SRFBP1: variants seen among roughly 807,000 people sequenced by gnomAD.
The protein encoded by SRFBP1 is serum response factor binding protein 1, also known as serum response factor-binding protein 1.
In SRFBP1, 47 loss-of-function variants were observed where a neutral mutation model predicts 45.5. That is an observed-to-expected ratio of 1.03 (90% CI 0.82 to 1.32). The LOEUF (loss-of-function observed/expected upper bound fraction) is 1.32. Ranked by LOEUF, SRFBP1 falls within the 40% of genes most tolerant of loss-of-function variation. The pLI, the probability that SRFBP1 is intolerant of heterozygous loss-of-function variation, is 0.00. For synonymous variants in SRFBP1, 203 were observed against 166.3 expected (o/e 1.22, Z -1.70); for missense variants, 621 against 484.6 (o/e 1.28, Z -2.64).
chr5:122,055,079 G>A (rs974455808), intron 2 of SRFBP1, among the ~76,000 whole-genome samples: 2 of 152,306 alleles, frequency 1.3e-5, no homozygotes, highest in South Asian at 2.1e-4. Flanking sequence ...ACCATAGACT[G>A]AGTGGCTTGT....
At chr5:121,995,566 A>G (rs1339320770) in intron 4 of SRFBP1, among the ~76,000 whole-genome samples, 2 of 152,230 alleles carry the variant, frequency 1.3e-5, no homozygotes, top group Admixed American at 6.5e-5. Flanking sequence ...AAAGCAGGAA[A>G]GATCCAAAAT....
intron 2 of SRFBP1, among the ~76,000 whole-genome samples, chr5:122,037,279 T>A (rs114037125): frequency 4.6e-4 from 70 of 152,288 alleles, no homozygotes; most frequent in African/African-American, 1.6e-3. Context: ...ACAAACATCA[T>A]GCTCACACTC....
In SRFBP1 at chr5:122,020,682, A is replaced by G. The variant is rs371416189; in HGVS notation, c.947A>G (p.Lys316Arg). Residue 316 changes from lysine to arginine, a missense_variant, in exon 6 of 8, where the codon AAA becomes AGA. Transcript: ENST00000339397. ...EQKPLEKVFL[K>R]EDTGETHGDT... is the part of the protein sequence containing the mutation. ...AAACCACTAGAAAAAGTGTTTCTTAAAGAAGATACAGGTGAAACTCATGGG... is the reference window on the plus strand; with the variant it reads ...AAACCACTAGAAAAAGTGTTTCTTAGAGAAGATACAGGTGAAACTCATGGG... 91 of 1,613,920 alleles carry G rather than the reference A, an allele frequency of 5.6e-5. No homozygotes were observed. The highest frequency in any genetic ancestry group is 3.3e-4 in the Middle Eastern group (2 of 6,062).
downstream of SRFBP1, among the ~76,000 whole-genome samples, chr5:122,031,401 A>G (rs903216443): frequency 1.2e-4 from 18 of 152,212 alleles, no homozygotes; most frequent in African/African-American, 4.3e-4. Context: ...GGAAAAAAGC[A>G]ATAGAAATTC....
chr5:122,020,727 T>A lies in SRFBP1; in HGVS notation c.992T>A (p.Ile331Asn). The part of the protein sequence containing the change: ...ETHGDTRNDK[I>N]KPSTETRKLE... Reference sequence around the variant, plus strand: ...CATGGGGATACAAGAAATGACAAAATCAAGCCAAGTACAGAAACCAGAAAG... The same window carrying A: ...CATGGGGATACAAGAAATGACAAAAACAAGCCAAGTACAGAAACCAGAAAG... Residue 331 changes from isoleucine to asparagine, a missense_variant, in exon 6 of 8, where the codon ATC becomes AAC. By Grantham distance (149) the Ile-to-Asn change is moderately radical. Coordinates refer to ENST00000339397, the MANE Select transcript of SRFBP1 (RefSeq NM_152546.3). 1 of 1,611,250 alleles carries A rather than the reference T, an allele frequency of 6.2e-7. No individual in the cohort carries two copies.
chr5:121,985,333 G>T (rs942179449), intron 3 of SRFBP1, among the ~76,000 whole-genome samples: 6 of 146,570 alleles, frequency 4.1e-5, no homozygotes, highest in Admixed American at 6.8e-5. Flanking sequence ...GTTGGGTTTT[G>T]TTTTTTTTTT....
At chr5:122,003,171 T>C (rs955699081) in intron 4 of SRFBP1, among the ~76,000 whole-genome samples, 1 of 151,938 alleles carries the variant, frequency 6.6e-6, no homozygotes, top group Non-Finnish European at 1.5e-5. Flanking sequence ...GGTGAAACCC[T>C]ATCTCTACAA....
intron 4 of SRFBP1, among the ~76,000 whole-genome samples, chr5:121,997,413 G>A (rs1229102594): frequency 1.3e-5 from 2 of 151,684 alleles, no homozygotes; most frequent in Non-Finnish European, 2.9e-5. Flanking sequence ...AAGCAATGGG[G>A]AAAGGATTCC....
intron 3 of SRFBP1, among the ~76,000 whole-genome samples, chr5:121,979,086 TA>T (rs1752358634): frequency 6.6e-6 from 1 of 152,072 alleles, no homozygotes; most frequent in Admixed American, 6.5e-5. Flanking sequence ...AGATCACAAA[TA>T]GAAAAAAATA....
At chr5:121,994,210 CTT>C (rs1273997009) in intron 3 of SRFBP1, among the ~76,000 whole-genome samples, 1 of 151,832 alleles carries the variant, frequency 6.6e-6, no homozygotes, top group Non-Finnish European at 1.5e-5. Flanking sequence ...ATGTTATCTT[CTT>C]TGTCTTCATT....
rs992321471 is a variant in SRFBP1 at position 122,019,989 on chromosome 5, C to T, written c.353-99C>T. 5 of 779,642 alleles carry T rather than the reference C, an allele frequency of 6.4e-6. No homozygotes were observed. In the South Asian group the frequency reaches 7.9e-5, roughly 12 times the overall value. The allele number at this position is 779,642 out of a possible 1,614,324, so 48.3% of individuals were successfully genotyped here. A position where few individuals can be genotyped will look rare whatever the true frequency, so the allele number is the denominator to read the frequency against. On this transcript the variant is annotated intron_variant, in intron 5 of 7. Transcript: ENST00000339397. ...ATTTAATATCAATTCCAACTGCCCT[C>T]TTAAATCTTTTCAAATAATTTTTTA...
At chr5:122,070,396 A>G (rs1326401241) in intron 2 of SRFBP1, 2 of 702,286 alleles carry the variant, frequency 2.8e-6, no homozygotes, top group East Asian at 5.3e-5. Flanking sequence ...AGGATGTATA[A>G]TTGCTTCCAA....
rs540622702 is a variant in SRFBP1 at position 121,995,237 on chromosome 5, A to G, written c.270+567A>G. Among the ~76,000 whole-genome samples, 991 of 151,978 alleles carry G rather than the reference A, an allele frequency of 6.5e-3. 16 individuals are homozygous for G. Among genetic ancestry groups the G allele is most frequent in the African/African-American group, 0.023 (949 of 41,382 alleles). On this transcript the variant is annotated intron_variant, in intron 4 of 7. Coordinates refer to ENST00000339397, the MANE Select transcript of SRFBP1 (RefSeq NM_152546.3). ...TTTTTTTCAGCACCACACCACACCT[A>G]TTCCAAAATTGACCACATACTTGGA... is the stretch of plus-strand genomic sequence containing the variant.
At chr5:122,022,554 A>G in intron 7 of SRFBP1, 147 bp downstream of exon 7, 1 of 625,824 alleles carries the variant, frequency 1.6e-6, no homozygotes, top group Non-Finnish European at 2.4e-6. Context: ...AATTATCAAT[A>G]TAATTTTTTG....
chr5:122,026,920 T>G, intron 7 of SRFBP1, 22 bp from the exon 8 acceptor site: 2 of 1,560,240 alleles, frequency 1.3e-6, no homozygotes, highest in Non-Finnish European at 1.7e-6. Context: ...TAGTTATTAT[T>G]ATTTTTGCTT....
In SRFBP1 at chr5:122,001,985, A is replaced by G. The variant is rs1202661781; in HGVS notation, c.270+7315A>G. On this transcript the variant is annotated intron_variant, in intron 4 of 7. Transcript: ENST00000339397. ...TAACTAACTATAAGGTGTGTGTAAG[A>G]AAAAGATTTAAAAATACTCATTCTT... 2.0e-5 allele frequency among the ~76,000 whole-genome samples: 3 copies of G among 152,240 alleles called. No homozygotes were observed. The East Asian group carries it at 5.8e-4, about 29-fold the overall frequency.
At chr5:121,994,029 G>A (rs983425656) in intron 3 of SRFBP1, among the ~76,000 whole-genome samples, 1 of 151,984 alleles carries the variant, frequency 6.6e-6, no homozygotes, top group Non-Finnish European at 1.5e-5. Flanking sequence ...TACTTGAGAA[G>A]AAGATACAAT....
At chr5:122,068,577 T>C (rs551499466) in intron 2 of SRFBP1, among the ~76,000 whole-genome samples, 2 of 152,178 alleles carry the variant, frequency 1.3e-5, no homozygotes, top group Non-Finnish European at 2.9e-5. Flanking sequence ...AGTGAGAGGC[T>C]GCAAGGTGGC....
intron 2 of SRFBP1, among the ~76,000 whole-genome samples, chr5:122,075,161 T>G (rs1436496393): frequency 6.6e-6 from 1 of 152,256 alleles, no homozygotes; most frequent in Admixed American, 6.5e-5. Flanking sequence ...GTAAATTTTA[T>G]TGAAGTCAAT....
Sources: allele counts gnomAD v4.1 joint callset (sites outside exome capture counted in the v4.1 genomes callset), GRCh38; gene constraint gnomAD v4.1.1; transcripts MANE v1.5; gene names NCBI Gene and HGNC (gene_info 2026-07-23, HGNC 2026-07-21).